ZBTB44: variants seen among roughly 807,000 people sequenced by gnomAD.
ZBTB44 encodes the protein zinc finger and BTB domain containing 44.
A neutral mutation model predicts 54.0 loss-of-function variants in ZBTB44; 15 were observed. The observed-to-expected ratio is 0.28, with a 90% CI of 0.19 to 0.43. The LOEUF is 0.43. Ranked by LOEUF, ZBTB44 falls within the 20% of genes least tolerant of loss-of-function variation. The pLI is 1.00. For synonymous variants in ZBTB44, 230 were observed against 250.1 expected (o/e 0.92, Z 0.76); for missense variants, 487 against 707.1 (o/e 0.69, Z 3.53).
chr11:130,231,437 A>T lies in ZBTB44; in HGVS notation c.*327T>A, dbSNP rs1389873988. The T allele has an allele frequency of 1.3e-5, 2 of 152,154 alleles. No individual in the cohort carries two copies. Among genetic ancestry groups the T allele is most frequent in the Non-Finnish European group, 2.9e-5 (2 of 68,004 alleles). 9.4% of individuals were successfully genotyped at this position (152,154 alleles called of 1,614,324 possible). On this transcript the variant is annotated 3_prime_UTR_variant, in exon 8 of 8. Transcript: ENST00000357899. ...ACAGTATATTCAGATTTCCCATAAA[A>T]CTTGGCAATGTGTATTACCAGTGAA...
At chr11:130,265,980 ACAG>A (rs2134157189) in intron 1 of ZBTB44, among the ~76,000 whole-genome samples, 1 of 152,372 alleles carries the variant, frequency 6.6e-6, no homozygotes, top group East Asian at 1.9e-4. Flanking sequence ...GCTACACTAA[ACAG>A]CAGGTTTTCA....
chr11:130,262,767 TA>T (rs1938967575), intron 1 of ZBTB44, among the ~76,000 whole-genome samples: 1 of 151,952 alleles, frequency 6.6e-6, no homozygotes, highest in Non-Finnish European at 1.5e-5. Context: ...AAGATGAATT[TA>T]AAAAGGTTGC....
rs927877941 is a variant in ZBTB44 at position 130,258,758 on chromosome 11, A to G, written c.1018+2098T>C. Among the ~76,000 whole-genome samples the G allele has an allele frequency of 5.3e-5, 8 of 152,224 alleles. No homozygotes were observed. The South Asian group carries it at 1.7e-3, about 31-fold the overall frequency. On this transcript the variant is annotated intron_variant, in intron 2 of 7. Transcript: ENST00000357899. ...GATACAAAGCATTGCCCCTTTCTAG[A>G]ATACAAAGCTGAAGATGAAATGAGC...
At chr11:130,241,234 T>C (rs1954350026) in intron 2 of ZBTB44, among the ~76,000 whole-genome samples, 1 of 152,212 alleles carries the variant, frequency 6.6e-6, no homozygotes, top group South Asian at 2.1e-4. Context: ...TATGTAGGAA[T>C]GGAATTGCTA....
In ZBTB44 at chr11:130,231,479, T is replaced by C. The variant is rs1591912841; in HGVS notation, c.*285A>G. 1 of 152,126 alleles carries C rather than the reference T, an allele frequency of 6.6e-6. No individual in the cohort carries two copies. The highest frequency in any genetic ancestry group is 2.1e-4 in the South Asian group (1 of 4,824). 9.4% of individuals were successfully genotyped at this position (152,126 alleles called of 1,614,324 possible). Reference sequence around the variant, plus strand: ...ACCAGTGAAAATCTAAAGTTTCTACTTGGGAAGGAATACCCAGTGATGGGT... The same window carrying C: ...ACCAGTGAAAATCTAAAGTTTCTACCTGGGAAGGAATACCCAGTGATGGGT... On this transcript the variant is annotated 3_prime_UTR_variant, in exon 8 of 8. Coordinates refer to ENST00000357899, the MANE Select transcript of ZBTB44 (RefSeq NM_001301098.2).
chr11:130,263,326 A>G (rs1453283481), intron 1 of ZBTB44, among the ~76,000 whole-genome samples: 1 of 152,212 alleles, frequency 6.6e-6, no homozygotes, highest in Non-Finnish European at 1.5e-5. Context: ...ATCATGTAAC[A>G]TATTTGCTGA....
At chr11:130,249,795 A>G (rs1026967480) in intron 2 of ZBTB44, among the ~76,000 whole-genome samples, 1 of 152,144 alleles carries the variant, frequency 6.6e-6, no homozygotes, top group Non-Finnish European at 1.5e-5. Flanking sequence ...GTGCTACATC[A>G]CTAGGGCCCC....
chr11:130,272,423 C>A (rs1939742384), intron 1 of ZBTB44, among the ~76,000 whole-genome samples: 1 of 152,176 alleles, frequency 6.6e-6, no homozygotes, highest in Non-Finnish European at 1.5e-5. Flanking sequence ...CTTCCTTGTC[C>A]ATTTGGAGCT....
intron 1 of ZBTB44, among the ~76,000 whole-genome samples, chr11:130,289,057 T>G (rs772089606): frequency 6.6e-6 from 1 of 152,126 alleles, no homozygotes; most frequent in Non-Finnish European, 1.5e-5. Flanking sequence ...TAGCAAAAAG[T>G]AGTAAAACAA....
intron 1 of ZBTB44, among the ~76,000 whole-genome samples, chr11:130,280,266 C>T (rs1352476972): frequency 6.6e-6 from 1 of 152,080 alleles, no homozygotes; most frequent in Non-Finnish European, 1.5e-5. Flanking sequence ...AGAGAAAAAC[C>T]ATGATCTCAA....
At chr11:130,297,239 A>G (rs1941706405) in intron 1 of ZBTB44, among the ~76,000 whole-genome samples, 1 of 152,210 alleles carries the variant, frequency 6.6e-6, no homozygotes, top group South Asian at 2.1e-4. Context: ...GATATAAAAC[A>G]GGCTCTAATT....
intron 1 of ZBTB44, among the ~76,000 whole-genome samples, chr11:130,278,762 A>C (rs1409066835): frequency 6.6e-6 from 1 of 152,130 alleles, no homozygotes; most frequent in East Asian, 1.9e-4. Flanking sequence ...CAGAATTTCT[A>C]ATTGTTTTTT....
intron 5 of ZBTB44, chr11:130,236,161 T>G (rs748752744): frequency 1.3e-4 from 173 of 1,288,100 alleles, no homozygotes; most frequent in Non-Finnish European, 1.7e-4. Context: ...GTGACAGGTT[T>G]AATCAACAGC....
intron 1 of ZBTB44, among the ~76,000 whole-genome samples, chr11:130,269,290 A>ATAATTAAT (rs34489551): frequency 2.6e-5 from 4 of 151,146 alleles, no homozygotes; most frequent in South Asian, 4.2e-4. Context: ...ACTCCACTAA[A>ATAATTAAT]TAATTAATTA....
At chr11:130,296,869 T>G in intron 1 of ZBTB44, 1 of 733,680 alleles carries the variant, frequency 1.4e-6, no homozygotes, top group Non-Finnish European at 2.5e-6. Context: ...TTGCCTCAAG[T>G]TGCTCTGCCA....
At chr11:130,243,626 A>C (rs1000554961) in intron 2 of ZBTB44, among the ~76,000 whole-genome samples, 1 of 152,216 alleles carries the variant, frequency 6.6e-6, no homozygotes, top group African/African-American at 2.4e-5. Flanking sequence ...TACAATCCCA[A>C]AGGACAATGC....
intron 1 of ZBTB44, among the ~76,000 whole-genome samples, chr11:130,265,417 G>T (rs1474017491): frequency 1.3e-5 from 2 of 152,070 alleles, no homozygotes; most frequent in African/African-American, 4.8e-5. Context: ...TAGAGAGGGG[G>T]TTTCACCATG....
At chr11:130,296,837 C>A (rs1224476121) in intron 1 of ZBTB44, 1 of 744,328 alleles carries the variant, frequency 1.3e-6, no homozygotes, top group Non-Finnish European at 2.5e-6. Flanking sequence ...TGAAACAGAT[C>A]TTTAATGTAA....
At chr11:130,256,222 G>A (rs1025054466) in intron 2 of ZBTB44, among the ~76,000 whole-genome samples, 3 of 152,178 alleles carry the variant, frequency 2.0e-5, no homozygotes, top group Admixed American at 6.5e-5. Context: ...GAATCCAGCA[G>A]AATATCAAAA....
Sources: allele counts gnomAD v4.1 joint callset (sites outside exome capture counted in the v4.1 genomes callset), GRCh38; gene constraint gnomAD v4.1.1; transcripts MANE v1.5; gene names NCBI Gene and HGNC (gene_info 2026-07-23, HGNC 2026-07-21).